EXOC6B: variants seen among roughly 807,000 people sequenced by gnomAD.
EXOC6B encodes SEC15 homolog B.
EXOC6B carries 54 observed loss-of-function variants against 113.5 expected under a neutral mutation model. The observed-to-expected ratio is 0.48, with a 90% confidence interval of 0.38 to 0.60. The LOEUF (loss-of-function observed/expected upper bound fraction) is 0.60, where lower values mean the gene tolerates loss of function less well. Ranked by LOEUF, EXOC6B falls within the 20% of genes least tolerant of loss-of-function variation. The pLI is 0.00. For missense variants in EXOC6B, 797 were observed against 977.5 expected (o/e 0.82, Z 2.46); for synonymous variants, 357 against 339.0 (o/e 1.05, Z -0.58).
intron 11 of EXOC6B, among the ~76,000 whole-genome samples, chr2:72,500,602 CAT>C (rs35600273): frequency 0.62 from 94,157 of 151,756 alleles, 34,854 homozygotes; most frequent in East Asian, 0.99. Flanking sequence ...AAATAAAAAA[CAT>C]GAGAAATACA....
intron 20 of EXOC6B, among the ~76,000 whole-genome samples, chr2:72,276,875 C>T (rs774159655): frequency 1.3e-5 from 2 of 152,102 alleles, no homozygotes; most frequent in South Asian, 4.1e-4. Flanking sequence ...TTTAAGTCTT[C>T]CCTGGCACTT....
In EXOC6B at chr2:72,446,050, G is replaced by A. The variant is rs776180814; in HGVS notation, c.1980+19110C>T. On this transcript the variant is annotated intron_variant, in intron 18 of 21. Coordinates refer to ENST00000272427, the MANE Select transcript of EXOC6B (RefSeq NM_015189.3). ...ACGCTTATACACTGTTTTGGGGAGT[G>A]TAAATTAGTTCAACTATTGTGGAAA... Among the ~76,000 whole-genome samples the A allele has an allele frequency of 7.1e-4, 108 of 152,280 alleles. 1 individual carries two copies. The highest frequency in any genetic ancestry group is 1.2e-3 in the Admixed American group (19 of 15,302).
At chr2:72,268,457 A>T (rs1684272703) in intron 20 of EXOC6B, among the ~76,000 whole-genome samples, 1 of 152,162 alleles carries the variant, frequency 6.6e-6, no homozygotes, top group Non-Finnish European at 1.5e-5. Flanking sequence ...GTCATGGAGA[A>T]ATATTGAAAA....
chr2:72,585,414 A>G (rs1705495029), intron 6 of EXOC6B, among the ~76,000 whole-genome samples: 1 of 152,144 alleles, frequency 6.6e-6, no homozygotes, highest in African/African-American at 2.4e-5. Context: ...CCTGGCCAAC[A>G]CGGTGAAACC....
chr2:72,338,973 A>G (rs1281931981), intron 19 of EXOC6B, among the ~76,000 whole-genome samples: 1 of 151,962 alleles, frequency 6.6e-6, no homozygotes, highest in Non-Finnish European at 1.5e-5. Context: ...ATACATACAC[A>G]TACACATACA....
intron 21 of EXOC6B, among the ~76,000 whole-genome samples, chr2:72,182,289 TAG>T (rs1678136764): frequency 1.3e-5 from 2 of 152,288 alleles, no homozygotes; most frequent in East Asian, 3.9e-4. Flanking sequence ...CAGTATTTCC[TAG>T]ATCCAGAGAT....
At chr2:72,282,670 G>C (rs1256812688) in intron 20 of EXOC6B, among the ~76,000 whole-genome samples, 1 of 152,000 alleles carries the variant, frequency 6.6e-6, no homozygotes, top group Non-Finnish European at 1.5e-5. Context: ...CTGCTCATTA[G>C]AGCATACCTT....
chr2:72,188,350 A>G (rs1423308533), intron 20 of EXOC6B, among the ~76,000 whole-genome samples: 1 of 152,186 alleles, frequency 6.6e-6, no homozygotes, highest in Non-Finnish European at 1.5e-5. Flanking sequence ...TATCTAATTT[A>G]TTCCCCTACA....
chr2:72,537,087 C>T (rs1335470331), intron 8 of EXOC6B, among the ~76,000 whole-genome samples: 3 of 152,104 alleles, frequency 2.0e-5, no homozygotes, highest in Non-Finnish European at 4.4e-5. Flanking sequence ...GTATGTTTTG[C>T]TGATTTTTAA....
At chr2:72,222,170 A>G (rs1044372099) in intron 20 of EXOC6B, among the ~76,000 whole-genome samples, 2 of 152,178 alleles carry the variant, frequency 1.3e-5, no homozygotes, top group African/African-American at 4.8e-5. Flanking sequence ...TTTTTGCTGG[A>G]TCCCACTACC....
chr2:72,627,068 A>G (rs1393346845), intron 6 of EXOC6B, among the ~76,000 whole-genome samples: 1 of 152,162 alleles, frequency 6.6e-6, no homozygotes, highest in Non-Finnish European at 1.5e-5. Context: ...GATAAATAAC[A>G]TATGTTTTGT....
At chr2:72,369,437 C>T (rs1429465710) in intron 19 of EXOC6B, among the ~76,000 whole-genome samples, 1 of 152,124 alleles carries the variant, frequency 6.6e-6, no homozygotes, top group Admixed American at 6.5e-5. Context: ...CCATACTGCC[C>T]AAGGTAATTT....
intron 6 of EXOC6B, among the ~76,000 whole-genome samples, chr2:72,606,250 C>T (rs1670744300): frequency 6.6e-6 from 1 of 151,984 alleles, no homozygotes; most frequent in African/African-American, 2.4e-5. Context: ...TCGTCATTTA[C>T]CCAGCTTATT....
At chr2:72,597,969 A>T (rs1440323831) in intron 6 of EXOC6B, among the ~76,000 whole-genome samples, 1 of 152,006 alleles carries the variant, frequency 6.6e-6, no homozygotes, top group Non-Finnish European at 1.5e-5. Flanking sequence ...TTCAAGAGAA[A>T]ACAACAAAAT....
At chr2:72,706,506 G>A (rs1324808918) in intron 6 of EXOC6B, among the ~76,000 whole-genome samples, 3 of 152,092 alleles carry the variant, frequency 2.0e-5, no homozygotes, top group Admixed American at 2.0e-4. Context: ...CAAGTAGCTG[G>A]GACTGCAGGC....
At chr2:72,557,821 G>T (rs1175191151) in intron 8 of EXOC6B, among the ~76,000 whole-genome samples, 2 of 151,806 alleles carry the variant, frequency 1.3e-5, no homozygotes, top group African/African-American at 2.4e-5. Flanking sequence ...TTTAAAAAAA[G>T]AATTGTACAT....
chr2:72,563,212 T>C (rs1021542052), intron 7 of EXOC6B, among the ~76,000 whole-genome samples: 2 of 152,232 alleles, frequency 1.3e-5, no homozygotes, highest in Non-Finnish European at 2.9e-5. Context: ...GAGGTAGATA[T>C]AATGGAAGCA....
At chr2:72,242,770 T>C (rs1244031672) in intron 20 of EXOC6B, among the ~76,000 whole-genome samples, 1 of 152,216 alleles carries the variant, frequency 6.6e-6, no homozygotes, top group Non-Finnish European at 1.5e-5. Context: ...TCTCACTCTG[T>C]CACCCAGGCT....
chr2:72,282,963 G>C (rs1039860831), intron 20 of EXOC6B, among the ~76,000 whole-genome samples: 1 of 152,074 alleles, frequency 6.6e-6, no homozygotes, highest in Non-Finnish European at 1.5e-5. Flanking sequence ...TAATTTGAGA[G>C]TTGCACACCT....
Sources: allele counts gnomAD v4.1 joint callset (sites outside exome capture counted in the v4.1 genomes callset), GRCh38; gene constraint gnomAD v4.1.1; transcripts MANE v1.5; gene names NCBI Gene and HGNC (gene_info 2026-07-23, HGNC 2026-07-21).